TRIM16: variants seen among roughly 807,000 people sequenced by gnomAD.
TRIM16 encodes the protein tripartite motif-containing protein 16.
Under a neutral mutation model 50.4 loss-of-function variants are expected in TRIM16, and 33 were observed. The observed-to-expected ratio is 0.65, with a 90% CI of 0.50 to 0.88. The LOEUF is 0.88. Among genes scored for constraint, TRIM16 ranks in the 40% least tolerant of loss-of-function variants. The probability of loss-of-function intolerance (pLI) is 0.00; values close to 1 mark genes in which losing one functional copy is unlikely to be tolerated. For missense variants in TRIM16, 581 were observed against 686.8 expected, an observed-to-expected ratio of 0.85 and a Z score of 1.72; for synonymous variants, 229 against 270.7, an observed-to-expected ratio of 0.85 and a Z score of 1.51.
rs759753668 is a variant in TRIM16 at position 15,636,277 on chromosome 17, G to C, written c.616-8C>G. On this transcript the variant is annotated splice_region_variant and splice_polypyrimidine_tract_variant and intron_variant, in intron 8 of 11. Transcript: ENST00000649191. Reference sequence around the variant, plus strand: ...GACCTCTGACACCGACACCTGGCAGGGGGTGGGGGTGGAAGGCAGCCAAAC... The same window carrying C: ...GACCTCTGACACCGACACCTGGCAGCGGGTGGGGGTGGAAGGCAGCCAAAC... 2 of 1,608,064 alleles carry C rather than the reference G, an allele frequency of 1.2e-6. No homozygotes were observed. Among genetic ancestry groups the C allele is most frequent in the South Asian group, 1.1e-5 (1 of 90,056 alleles).
At chr17:15,675,373 C>T (rs1191811298) in intron 6 of TRIM16, 2 of 162,920 alleles carry the variant, frequency 1.2e-5, no homozygotes, top group Non-Finnish European at 2.9e-5. Context: ...TCCAGACATT[C>T]AGGGAGATTC....
At chr17:15,658,649 G>A (rs1361473579) in intron 6 of TRIM16, among the ~76,000 whole-genome samples, 1 of 152,214 alleles carries the variant, frequency 6.6e-6, no homozygotes, top group Non-Finnish European at 1.5e-5. Flanking sequence ...ATAGTAATGA[G>A]TGTAGGATTG....
At position 15,636,071 on chromosome 17, in the gene TRIM16, T is replaced by C. The variant is rs1986722114; in HGVS notation, c.814A>G (p.Met272Val). ...TGGACAGTGTTGCTGATGGCCGCCA[T>C]CCTCTCCAGCTCCTGCTTGCTCTTC... ...MEKSKQELER[M>V]AAISNTVQFL... Residue 272 changes from methionine (M) to valine (V), a missense_variant, in exon 9 of 12, where the codon ATG becomes GTG. Transcript: ENST00000649191. 1 of 1,609,834 alleles carries C rather than the reference T, an allele frequency of 6.2e-7. No homozygotes were observed. Among genetic ancestry groups the C allele is most frequent in the South Asian group, 1.1e-5 (1 of 90,348 alleles).
Position 15,629,208 on chromosome 17 carries a change from C to A in TRIM16, c.1112-10G>T, listed in dbSNP as rs367829253. The A allele has an allele frequency of 6.3e-7, 1 of 1,587,428 alleles. No individual in the cohort carries two copies. The highest frequency in any genetic ancestry group is 1.3e-5 in the African/African-American group (1 of 74,544). On this transcript the variant is annotated splice_polypyrimidine_tract_variant and intron_variant, in intron 11 of 11. Transcript: ENST00000649191. ...GTGATGTCATACGCATCTGAGGAGA[C>A]ACAGAAGGCAGGAGAGTGGTTCAGG...
At chr17:15,654,020 C>T (rs140947817) in intron 6 of TRIM16, among the ~76,000 whole-genome samples, 84 of 152,218 alleles carry the variant, frequency 5.5e-4, no homozygotes, top group African/African-American at 1.7e-3. Flanking sequence ...GGGGAGGGGT[C>T]AGATCCACCT....
Position 15,628,948 on chromosome 17 carries a change from C to A in TRIM16, c.1362G>T (p.Glu454Asp). 6.2e-7 allele frequency: 1 copy of A among 1,614,230 alleles called. No homozygotes were observed. Among genetic ancestry groups the A allele is most frequent in the Non-Finnish European group, 8.5e-7 (1 of 1,180,046 alleles). The change falls in exon 12 of 12, where the codon GAG becomes GAT. Residue 454 changes from glutamate to aspartate, a missense_variant. Physicochemically the swap from Glu to Asp is conservative, Grantham distance 45. Coordinates refer to ENST00000649191, the MANE Select transcript of TRIM16 (RefSeq NM_001348119.1). Reference protein sequence around the residue: ...LTCKGIDRKGEERNSCISGNN... With the variant: ...LTCKGIDRKGDERNSCISGNN... ...TTCCGGAAATGCAACTGTTGCGCTC[C>A]TCCCCTTTCCGGTCGATGCCTTTGC...
rs1037290040 is a variant in TRIM16 at position 15,651,363 on chromosome 17, C to T, written c.247G>A (p.Asp83Asn). Residue 83 changes from aspartate to asparagine, a missense_variant, in exon 7 of 12, where the codon GAC becomes AAC. By Grantham distance (23) the Asp-to-Asn change is conservative. Around this residue, in one of 3 missense-constraint regions of TRIM16, gnomAD observed 450 missense variants for 544.3 expected, o/e 0.83. Coordinates refer to ENST00000649191, the MANE Select transcript of TRIM16 (RefSeq NM_001348119.1). ...KEVLCDFCLDDTRRVKAVKSC... is the reference protein window; with the variant it reads ...KEVLCDFCLDNTRRVKAVKSC... ...TTCACTGCCTTCACTCTTCTGGTGT[C>T]ATCAAGGCAGAAGTCACACAGGACC... The T allele has an allele frequency of 1.2e-6, 2 of 1,614,240 alleles. No homozygotes were observed.
At chr17:15,652,450 CCCA>C (rs1987768777) in intron 6 of TRIM16, among the ~76,000 whole-genome samples, 1 of 139,020 alleles carries the variant, frequency 7.2e-6, no homozygotes, top group East Asian at 2.2e-4. Context: ...AGCCACGGTG[CCCA>C]CCTTTTTTTT....
intron 7 of TRIM16, among the ~76,000 whole-genome samples, chr17:15,648,219 C>A (rs1407098639): frequency 6.9e-6 from 1 of 144,264 alleles, no homozygotes; most frequent in Non-Finnish European, 1.5e-5. Context: ...GAGCGAGACT[C>A]CGTCTCAAAA....
chr17:15,662,343 T>C (rs1489720046), intron 6 of TRIM16, among the ~76,000 whole-genome samples: 1 of 152,200 alleles, frequency 6.6e-6, no homozygotes, highest in Non-Finnish European at 1.5e-5. Context: ...TTGTGGATCC[T>C]GGGATAGGAA....
At position 15,657,244 on chromosome 17, in the gene TRIM16, T is replaced by A. The variant is rs191435040; in HGVS notation, c.-337-5298A>T. Reference sequence around the variant, plus strand: ...TGTTGCCCAGGCTGGGTTGTTTGTTTGTTTGTCTTTGAGACAGGGTCTCCC... The same window carrying A: ...TGTTGCCCAGGCTGGGTTGTTTGTTAGTTTGTCTTTGAGACAGGGTCTCCC... On this transcript the variant is annotated intron_variant, in intron 6 of 11. Coordinates refer to ENST00000649191, the MANE Select transcript of TRIM16 (RefSeq NM_001348119.1). Among the ~76,000 whole-genome samples the A allele has an allele frequency of 1.7e-3, 259 of 152,250 alleles. 2 individuals are homozygous for A. The highest frequency in any genetic ancestry group is 2.9e-3 in the Admixed American group (45 of 15,296).
In TRIM16 at chr17:15,677,954, A is replaced by C. The variant is rs531309916; in HGVS notation, c.-589-233T>G. ...AACTATCGGCTGGGTGCAGTGGCTC[A>C]CGCCTGTAATCCCAGCACTTTGGGA... On this transcript the variant is annotated intron_variant, in intron 4 of 11. Coordinates refer to ENST00000649191, the MANE Select transcript of TRIM16 (RefSeq NM_001348119.1). Among the ~76,000 whole-genome samples, 7 of 152,312 alleles carry C rather than the reference A, an allele frequency of 4.6e-5. No homozygotes were observed. In the South Asian group the frequency reaches 1.4e-3, roughly 32 times the overall value.
At chr17:15,661,073 C>A (rs913553552) in intron 6 of TRIM16, among the ~76,000 whole-genome samples, 5 of 152,064 alleles carry the variant, frequency 3.3e-5, no homozygotes, top group African/African-American at 1.2e-4. Flanking sequence ...GAAAGAAAAT[C>A]TGGAGTTAGA....
chr17:15,661,474 C>T (rs1988236222), intron 6 of TRIM16, among the ~76,000 whole-genome samples: 1 of 152,164 alleles, frequency 6.6e-6, no homozygotes, highest in African/African-American at 2.4e-5. Flanking sequence ...GCTCCTTTCC[C>T]TGTGTACTAA....
intron 6 of TRIM16, among the ~76,000 whole-genome samples, chr17:15,661,826 T>C (rs1988251877): frequency 6.6e-6 from 1 of 151,790 alleles, no homozygotes; most frequent in African/African-American, 2.4e-5. Context: ...ACTTTCCCAC[T>C]CTGACCCTGA....
In TRIM16 at chr17:15,651,448, C is replaced by T; in HGVS notation, c.162G>A (p.Glu54=). 6.2e-7 allele frequency: 1 copy of T among 1,612,498 alleles called. No homozygotes were observed. Among genetic ancestry groups the T allele is most frequent in the East Asian group, 2.2e-5 (1 of 44,838 alleles). The stretch of plus-strand genomic sequence containing the variant: ...CAGAGTCGCTGTCCTGTTCCTCCGT[C>T]TCCCTGCCAAGCTTCTCCGAGGAGC... The part of the protein sequence containing the change: ...DVGSSEKLGR[E]TEEQDSDSAE... The change falls in exon 7 of 12, where the codon GAG becomes GAA. Residue 54 remains glutamate, a synonymous_variant. Transcript: ENST00000649191.
chr17:15,645,213 G>T (rs1987310058), intron 7 of TRIM16, among the ~76,000 whole-genome samples: 1 of 152,170 alleles, frequency 6.6e-6, no homozygotes, highest in Admixed American at 6.5e-5. Flanking sequence ...GGAAAGAATG[G>T]ACTAACGAGA....
At chr17:15,654,388 G>A (rs947865690) in intron 6 of TRIM16, 1 of 152,032 alleles carries the variant, frequency 6.6e-6, no homozygotes, top group African/African-American at 2.4e-5. Flanking sequence ...TCCTGGCCAG[G>A]GTCAGAAACA....
rs377385193 is a variant in TRIM16, at chr17:15,630,085, C to T, written c.1112-887G>A. ...CCTTGCCCTGGCCTACCAGGCCCCA[C>T]GTCCCTGGTCCTTTCCTGTGTCTCT... On this transcript the variant is annotated intron_variant, in intron 11 of 11. Coordinates refer to ENST00000649191, the MANE Select transcript of TRIM16 (RefSeq NM_001348119.1). Among the ~76,000 whole-genome samples the T allele has an allele frequency of 3.4e-3, 515 of 152,290 alleles. 2 individuals carry two copies. The highest frequency in any genetic ancestry group is 0.012 in the African/African-American group (491 of 41,566).
Sources: gnomAD v4.1 joint callset for allele counts (sites outside exome capture counted in the v4.1 genomes callset) on GRCh38, gnomAD v4.1.1 for gene constraint, gnomAD v4.1.1 regional missense constraint, MANE v1.5 for transcripts, NCBI Gene and HGNC (gene_info 2026-07-23, HGNC 2026-07-21) for gene names.